ASIC2: variants seen among roughly 807,000 people sequenced by gnomAD.
ASIC2 encodes the protein acid sensing ion channel subunit 2.
A neutral mutation model predicts 57.3 loss-of-function variants in ASIC2; 25 were observed. The ratio of observed to expected loss-of-function variants is 0.44; its 90% CI spans 0.32 to 0.61. ASIC2 has a LOEUF of 0.61. Ranked by LOEUF, ASIC2 falls within the 20% of genes least tolerant of loss-of-function variation. The probability of loss-of-function intolerance (pLI) is 0.06; values close to 1 mark genes in which losing one functional copy is unlikely to be tolerated. For missense variants in ASIC2, 641 were observed against 738.1 expected (o/e 0.87, Z 1.52); for synonymous variants, 319 against 307.5 (o/e 1.04, Z -0.39).
chr17:34,040,242 G>A (rs1232467272), intron 1 of ASIC2, among the ~76,000 whole-genome samples: 1 of 147,936 alleles, frequency 6.8e-6, no homozygotes, highest in East Asian at 2.0e-4. Flanking sequence ...GGCCACTCGG[G>A]TGCGGCGCGG....
At chr17:33,527,112 A>T (rs915457414) in intron 1 of ASIC2, among the ~76,000 whole-genome samples, 1 of 152,184 alleles carries the variant, frequency 6.6e-6, no homozygotes, top group African/African-American at 2.4e-5. Context: ...TGATCTAACA[A>T]TAGAGAATGC....
intron 1 of ASIC2, among the ~76,000 whole-genome samples, chr17:33,605,389 G>T (rs1905207807): frequency 6.6e-6 from 1 of 152,164 alleles, no homozygotes; most frequent in Non-Finnish European, 1.5e-5. Flanking sequence ...GAGAGAAGTT[G>T]CCTGATCTAA....
chr17:33,991,955 T>C (rs1024082968), intron 1 of ASIC2, among the ~76,000 whole-genome samples: 6 of 152,142 alleles, frequency 3.9e-5, no homozygotes, highest in Non-Finnish European at 7.3e-5. Context: ...TTAATAAAGG[T>C]TGTCCAGGAG....
chr17:33,082,701 AAAATAAATAAATAAAT>A (rs34712140), intron 3 of ASIC2, among the ~76,000 whole-genome samples: 58 of 139,588 alleles, frequency 4.2e-4, no homozygotes, highest in African/African-American at 1.3e-3. Flanking sequence ...TCTGTCTCCA[AAAATAAATAAATAAAT>A]AAATAAATAA....
intron 1 of ASIC2, among the ~76,000 whole-genome samples, chr17:33,172,125 G>T (rs982329182): frequency 6.6e-6 from 1 of 152,216 alleles, no homozygotes; most frequent in Admixed American, 6.5e-5. Flanking sequence ...GCTCATGATT[G>T]CATCATGCCC....
At chr17:33,859,214 A>G in intron 1 of ASIC2, among the ~76,000 whole-genome samples, 1 of 152,222 alleles carries the variant, frequency 6.6e-6, no homozygotes, top group East Asian at 1.9e-4. Context: ...ATAAATAATG[A>G]TAGTGAATAA....
chr17:33,954,650 G>A (rs929226143), intron 1 of ASIC2, among the ~76,000 whole-genome samples: 1 of 152,210 alleles, frequency 6.6e-6, no homozygotes, highest in Non-Finnish European at 1.5e-5. Flanking sequence ...TCATCCCCAA[G>A]GACAAGGGTA....
At chr17:33,974,238 G>A (rs183731576) in intron 1 of ASIC2, among the ~76,000 whole-genome samples, 252 of 152,180 alleles carry the variant, frequency 1.7e-3, no homozygotes, top group African/African-American at 5.8e-3. Flanking sequence ...TTCCTGAATA[G>A]GTGACCATGA....
At chr17:33,549,057 C>T (rs1915667866) in intron 1 of ASIC2, among the ~76,000 whole-genome samples, 1 of 152,046 alleles carries the variant, frequency 6.6e-6, no homozygotes, top group Non-Finnish European at 1.5e-5. Flanking sequence ...CTGTTTCCTC[C>T]ACTTGAACAT....
intron 1 of ASIC2, among the ~76,000 whole-genome samples, chr17:33,938,349 C>T (rs1916112881): frequency 6.6e-6 from 1 of 152,158 alleles, no homozygotes; most frequent in Non-Finnish European, 1.5e-5. Flanking sequence ...TTCCCTCCCA[C>T]CAACGCTAGA....
chr17:33,775,063 G>A (rs1009270379), intron 1 of ASIC2, among the ~76,000 whole-genome samples: 2 of 152,220 alleles, frequency 1.3e-5, no homozygotes, highest in South Asian at 2.1e-4. Context: ...GGAGTGACCT[G>A]AGCATACTGT....
intron 1 of ASIC2, among the ~76,000 whole-genome samples, chr17:33,509,041 T>A (rs1914352504): frequency 6.6e-6 from 1 of 152,130 alleles, no homozygotes; most frequent in African/African-American, 2.4e-5. Context: ...TTTTGTTAAG[T>A]TATAATAGTG....
intron 1 of ASIC2, among the ~76,000 whole-genome samples, chr17:33,308,808 G>T (rs1010633624): frequency 1.3e-5 from 2 of 151,854 alleles, no homozygotes; most frequent in African/African-American, 4.9e-5. Flanking sequence ...TCATAATTAA[G>T]GTAAAGTGCC....
intron 1 of ASIC2, among the ~76,000 whole-genome samples, chr17:33,468,611 A>G (rs910330264): frequency 2.1e-4 from 32 of 151,976 alleles, no homozygotes; most frequent in Non-Finnish European, 4.4e-5. Flanking sequence ...TTCACATATT[A>G]TCTCATTTAA....
intron 1 of ASIC2, among the ~76,000 whole-genome samples, chr17:33,184,751 C>T (rs571835471): frequency 2.6e-5 from 4 of 152,158 alleles, no homozygotes; most frequent in African/African-American, 7.2e-5. Flanking sequence ...AAGTAAGTGG[C>T]CTGGAAACCT....
At chr17:33,457,965 A>C (rs1912507777) in intron 1 of ASIC2, among the ~76,000 whole-genome samples, 1 of 152,146 alleles carries the variant, frequency 6.6e-6, no homozygotes, top group Non-Finnish European at 1.5e-5. Context: ...TTCCAGTTAC[A>C]ATGGAGGAAA....
intron 1 of ASIC2, among the ~76,000 whole-genome samples, chr17:33,151,179 ACGCACACACACACACACACACGCG>A (rs1211029280): frequency 1.8e-4 from 21 of 115,612 alleles, no homozygotes; most frequent in Admixed American, 2.3e-4. Flanking sequence ...ACACACACAC[ACGCACACACACACACACACACGCG>A]CGCACACACA....
intron 1 of ASIC2, among the ~76,000 whole-genome samples, chr17:33,194,131 T>C (rs1319739739): frequency 6.6e-6 from 1 of 152,184 alleles, no homozygotes; most frequent in Non-Finnish European, 1.5e-5. Context: ...TAGGTGCCAG[T>C]CCCATCTGAT....
chr17:33,971,274 C>A (rs955407158), intron 1 of ASIC2, among the ~76,000 whole-genome samples: 27 of 152,094 alleles, frequency 1.8e-4, no homozygotes, highest in African/African-American at 6.3e-4. Flanking sequence ...CCTACCTGGT[C>A]AAAACACGAT....
Sources: allele counts gnomAD v4.1 joint callset (sites outside exome capture counted in the v4.1 genomes callset), GRCh38; gene constraint gnomAD v4.1.1; transcripts MANE v1.5; gene names NCBI Gene and HGNC (gene_info 2026-07-23, HGNC 2026-07-21).